The following CEP290 variants were observed in gnomAD, a reference collection of about 807,000 sequenced individuals.
The protein encoded by CEP290 is centrosomal protein 290, also known as centrosomal protein of 290 kDa.
In CEP290, 317 loss-of-function variants were observed where a neutral mutation model predicts 344.9. The observed-to-expected ratio is 0.92, with a 90% CI of 0.84 to 1.01. CEP290 has a LOEUF of 1.01. Among genes scored for constraint, CEP290 ranks in the 50% least tolerant of loss-of-function variants. The probability of loss-of-function intolerance (pLI) is 0.00; values close to 1 mark genes in which losing one functional copy is unlikely to be tolerated. For missense variants in CEP290, 2,754 were observed against 2,761.4 expected, an observed-to-expected ratio of 1.00 and a Z score of 0.06; for synonymous variants, 932 against 895.8, an observed-to-expected ratio of 1.04 and a Z score of -0.72.
Position 88,102,950 on chromosome 12 carries a change from G to C in CEP290, c.2879C>G (p.Ser960Cys), listed in dbSNP as rs749780586. 6.3e-7 allele frequency: 1 copy of C among 1,596,724 alleles called. No individual in the cohort carries two copies. Among genetic ancestry groups the C allele is most frequent in the Non-Finnish European group, 8.5e-7 (1 of 1,174,030 alleles). ...QKVVDNSVSL[S>C]ELELANKQYN... ...CTGTTTATTAGCCAGTTCTAGTTCA[G>C]ACAAAGAAACACTATTATCTACAAC... Residue 960 changes from serine (S) to cysteine (C), a missense_variant, in exon 26 of 54, where the codon TCT becomes TGT. Physicochemically the swap from Ser to Cys is moderately radical, Grantham distance 112. Transcript: ENST00000552810.
intron 26 of CEP290, among the ~76,000 whole-genome samples, chr12:88,101,497 A>T (rs910954963): frequency 4.6e-5 from 7 of 150,670 alleles, no homozygotes; most frequent in African/African-American, 1.7e-4. Context: ...AAAAAAAAAA[A>T]AAAAAAAATT....
rs556422325 is a variant in CEP290 at position 88,081,524 on chromosome 12, T to C, written c.5013-1129A>G. 5.3e-5 allele frequency among the ~76,000 whole-genome samples: 8 copies of C among 152,324 alleles called. No individual in the cohort carries two copies. In the East Asian group the frequency reaches 5.8e-4, roughly 11 times the overall value. On this transcript the variant is annotated intron_variant, in intron 37 of 53. Transcript: ENST00000552810. ...GAGATTCTGACCAATAAGAGGGAGATAGTGTTAAGACATGAACAAATGTTA... is the reference window on the plus strand; with the variant it reads ...GAGATTCTGACCAATAAGAGGGAGACAGTGTTAAGACATGAACAAATGTTA...
intron 51 of CEP290, 118 bp from the exon 52 acceptor site, chr12:88,053,864 G>GGC (rs2136627654): frequency 3.7e-6 from 2 of 535,606 alleles, no homozygotes; most frequent in South Asian, 5.7e-5. Flanking sequence ...CTTTATCGAA[G>GGC]TAAACATTTA....
intron 17 of CEP290, 83 bp downstream of exon 17, chr12:88,118,400 A>C: frequency 8.9e-7 from 1 of 1,124,504 alleles, no homozygotes; most frequent in South Asian, 1.5e-5. Context: ...AACAGCAAAA[A>C]CAGCTAAGAC....
chr12:88,060,940 TC>T lies in CEP290; in HGVS notation c.6411del (p.Met2137IlefsTer4). ...CTCTGGACTTTTTCAACTACTTTTT[TC>T]ATTAAACCAATGGTTTTTTCCAGTT... ...IPELEKTIGL[M>X]KKVVEKVQRE... On this transcript the variant is annotated frameshift_variant, in exon 47 of 54. Coordinates refer to ENST00000552810, the MANE Select transcript of CEP290 (RefSeq NM_025114.4). LOFTEE classifies it high-confidence loss of function. The T allele has an allele frequency of 6.4e-7, 1 of 1,561,050 alleles. No individual in the cohort carries two copies. Among genetic ancestry groups the T allele is most frequent in the African/African-American group, 1.4e-5 (1 of 73,984 alleles).
In CEP290 at chr12:88,060,817, T is replaced by TA. The variant is rs11405846; in HGVS notation, c.6522+12dup. ...AATATTCCCCTAAAAATGATCACAT[T>TA]AAAAAAAATTACCTTCAATTTTTCA... is the stretch of plus-strand genomic sequence containing the variant. On this transcript the variant is annotated intron_variant, in intron 47 of 53. Transcript: ENST00000552810. 0.89 allele frequency: 1,256,613 copies of TA among 1,417,558 alleles called. 566,175 individuals are homozygous for TA. The highest frequency in any genetic ancestry group is 0.94 in the East Asian group (35,800 of 37,930). 87.8% of individuals were successfully genotyped at this position (1,417,558 alleles called of 1,614,324 possible).
chr12:88,096,462 T>C (rs2037441158), intron 27 of CEP290, among the ~76,000 whole-genome samples: 1 of 152,146 alleles, frequency 6.6e-6, no homozygotes, highest in Non-Finnish European at 1.5e-5. Flanking sequence ...AATATAGTAG[T>C]AAAACTATGA....
chr12:88,101,229 C>A (rs893028908), intron 26 of CEP290, among the ~76,000 whole-genome samples: 1 of 152,056 alleles, frequency 6.6e-6, no homozygotes, highest in African/African-American at 2.4e-5. Context: ...CATCTGTAAT[C>A]CCAGCACTTT....
Position 88,083,164 on chromosome 12 carries a change from C to G in CEP290, c.4879G>C (p.Glu1627Gln), listed in dbSNP as rs868148490. 3.2e-6 allele frequency: 5 copies of G among 1,544,182 alleles called. No homozygotes were observed. Among genetic ancestry groups the G allele is most frequent in the Non-Finnish European group, 4.4e-6 (5 of 1,146,924 alleles). Residue 1627 changes from glutamate (E) to glutamine (Q), a missense_variant, in exon 37 of 54, where the codon GAA becomes CAA. Physicochemically the swap from Glu to Gln is conservative, Grantham distance 29. Transcript: ENST00000552810. Reference protein sequence around the residue: ...NKHFIRLAEMEQTVAEQDDSL... With the variant: ...NKHFIRLAEMQQTVAEQDDSL... ...TCATCTTGTTCTGCTACTGTCTGTT[C>G]CATCTCAGCCAGACGAATAAAATGC...
chr12:88,115,615 C>A (rs1310909384), intron 18 of CEP290: 6 of 1,150,300 alleles, frequency 5.2e-6, no homozygotes, highest in Non-Finnish European at 5.8e-6. Flanking sequence ...GAGTTCATAT[C>A]AATGTACTGC....
chr12:88,071,424 G>A lies in CEP290; in HGVS notation c.5881C>T (p.Gln1961Ter). 1 of 1,609,208 alleles carries A rather than the reference G, an allele frequency of 6.2e-7. No homozygotes were observed. The highest frequency in any genetic ancestry group is 1.1e-5 in the South Asian group (1 of 89,642). ...ATGCCAGTTGTTTTTAGTTTCCTCTGCAAAGTAAGTTTCTCTTTATCGGCT... is the reference window on the plus strand; with the variant it reads ...ATGCCAGTTGTTTTTAGTTTCCTCTACAAAGTAAGTTTCTCTTTATCGGCT... ...AKADKEKLTLQRKLKTTGMTV... is the reference protein window; with the variant it reads ...AKADKEKLTL Residue 1961 changes from glutamine (Q) to a stop codon, truncating the protein, a stop_gained, in exon 43 of 54, where the codon CAG becomes TAG. Coordinates refer to ENST00000552810, the MANE Select transcript of CEP290 (RefSeq NM_025114.4). LOFTEE classifies it high-confidence loss of function.
intron 13 of CEP290, among the ~76,000 whole-genome samples, chr12:88,125,017 A>G (rs1234976492): frequency 6.6e-6 from 1 of 152,020 alleles, no homozygotes; most frequent in Non-Finnish European, 1.5e-5. Flanking sequence ...CTGGTAATAA[A>G]CGTTAATGTA....
intron 41 of CEP290, among the ~76,000 whole-genome samples, chr12:88,074,628 T>C (rs1485707907): frequency 6.6e-6 from 1 of 152,182 alleles, no homozygotes; most frequent in Middle Eastern, 3.2e-3. Flanking sequence ...GAAAAGAGTC[T>C]CTCTGACCTT....
intron 32 of CEP290, 64 bp from the exon 33 acceptor site, chr12:88,086,562 T>C (rs2036590263): frequency 2.7e-6 from 3 of 1,104,506 alleles, no homozygotes; most frequent in Non-Finnish European, 3.9e-6. Context: ...ACAGGCATTT[T>C]ATATATATTT....
Position 88,086,065 on chromosome 12 carries a change from G to C in CEP290, c.4411C>G (p.Arg1471Gly). 1 of 1,611,568 alleles carries C rather than the reference G, an allele frequency of 6.2e-7. No homozygotes were observed. Among genetic ancestry groups the C allele is most frequent in the African/African-American group, 1.3e-5 (1 of 74,970 alleles). ...KENIRIILET[R>G]ATCKSLEEKL... ...TCTTCTAGTGATTTGCAAGTTGCCCGTGTTTCTAGAATTATTCGAATGTTC... is the reference window on the plus strand; with the variant it reads ...TCTTCTAGTGATTTGCAAGTTGCCCCTGTTTCTAGAATTATTCGAATGTTC... Residue 1471 changes from arginine to glycine, a missense_variant, in exon 34 of 54, where the codon CGG becomes GGG. By Grantham distance (125) the Arg-to-Gly change is moderately radical. Coordinates refer to ENST00000552810, the MANE Select transcript of CEP290 (RefSeq NM_025114.4).
chr12:88,120,863 A>G, intron 14 of CEP290, 134 bp downstream of exon 14: 1 of 734,794 alleles, frequency 1.4e-6, no homozygotes, highest in Non-Finnish European at 2.1e-6. Context: ...TTTAGTATAA[A>G]TTAATGAGGA....
chr12:88,080,422 T>G, intron 37 of CEP290, 27 bp from the exon 38 acceptor site: 1 of 1,536,636 alleles, frequency 6.5e-7, no homozygotes, highest in Non-Finnish European at 8.9e-7. Flanking sequence ...TATGTGTGTG[T>G]GTGTTTTTTA....
intron 18 of CEP290, chr12:88,115,660 G>T: frequency 1.0e-6 from 1 of 993,618 alleles, no homozygotes; most frequent in Non-Finnish European, 1.3e-6. Context: ...GTGTATAACT[G>T]ATGTTAAAGT....
intron 3 of CEP290, among the ~76,000 whole-genome samples, chr12:88,140,183 A>G (rs911390548): frequency 2.0e-5 from 3 of 152,002 alleles, no homozygotes; most frequent in African/African-American, 7.3e-5. Context: ...ATGTCTTTCC[A>G]CTACTTTTTT....
Sources: gnomAD v4.1 joint callset for allele counts (sites outside exome capture counted in the v4.1 genomes callset) on GRCh38, gnomAD v4.1.1 for gene constraint, MANE v1.5 for transcripts, NCBI Gene and HGNC (gene_info 2026-07-23, HGNC 2026-07-21) for gene names.